Variants in LRRFIP1 observed in about 807,000 individuals in gnomAD.
LRRFIP1 encodes the protein LRR binding FLII interacting protein 1.
In LRRFIP1, 62 loss-of-function variants were observed where a neutral mutation model predicts 104.4. That is an observed-to-expected ratio of 0.59 (90% confidence interval 0.48 to 0.73). The LOEUF (loss-of-function observed/expected upper bound fraction) is 0.73. LRRFIP1 is among the 30% of genes least tolerant of loss of function. The pLI is 0.00. For synonymous variants in LRRFIP1, 300 were observed against 299.0 expected, an observed-to-expected ratio of 1.00 and a Z score of -0.03; for missense variants, 796 against 824.5, an observed-to-expected ratio of 0.97 and a Z score of 0.42.
At chr2:237,765,742 T>C (rs1211538522) in intron 19 of LRRFIP1, 7 of 950,024 alleles carry the variant, frequency 7.4e-6, no homozygotes, top group Non-Finnish European at 8.8e-6. Flanking sequence ...AATTGTAAAA[T>C]ATAAAATCAC....
intron 10 of LRRFIP1, among the ~76,000 whole-genome samples, chr2:237,738,885 G>C (rs992454474): frequency 1.3e-5 from 2 of 152,260 alleles, no homozygotes; most frequent in Non-Finnish European, 2.9e-5. Context: ...CCGGAAGGCA[G>C]CTTAAGTTCT....
At chr2:237,668,483 C>T (rs758825304) in intron 1 of LRRFIP1, among the ~76,000 whole-genome samples, 11 of 152,116 alleles carry the variant, frequency 7.2e-5, no homozygotes, top group Non-Finnish European at 1.3e-4. Context: ...CCATAGCTTC[C>T]GGGATACATT....
chr2:237,668,344 C>T (rs766480865), intron 1 of LRRFIP1, among the ~76,000 whole-genome samples: 6 of 152,148 alleles, frequency 3.9e-5, no homozygotes, highest in Non-Finnish European at 8.8e-5. Context: ...GACAAGGCCC[C>T]GTCACAGCTG....
intron 14 of LRRFIP1, 121 bp from the exon 15 acceptor site, chr2:237,753,188 A>G: frequency 1.5e-6 from 1 of 659,464 alleles, no homozygotes. Context: ...CTTCTGATCC[A>G]TTTGCTCTAA....
chr2:237,637,396 A>G (rs2083269568), intron 1 of LRRFIP1, among the ~76,000 whole-genome samples: 1 of 152,170 alleles, frequency 6.6e-6, no homozygotes, highest in African/African-American at 2.4e-5. Context: ...TGAACCCAGG[A>G]GGCAGAGGTT....
chr2:237,670,909 C>A (rs74768413), intron 1 of LRRFIP1, among the ~76,000 whole-genome samples: 3 of 152,202 alleles, frequency 2.0e-5, no homozygotes, highest in Non-Finnish European at 2.9e-5. Context: ...TCCTCCCTCT[C>A]CTCCTCCTCA....
chr2:237,746,645 C>T (rs570642605), intron 11 of LRRFIP1, among the ~76,000 whole-genome samples: 5 of 152,254 alleles, frequency 3.3e-5, no homozygotes, highest in East Asian at 3.9e-4. Context: ...ATGTGCATTT[C>T]GACACATCAG....
chr2:237,627,786 G>A lies in LRRFIP1; in HGVS notation c.96+46G>A, dbSNP rs2081768213. On this transcript the variant is annotated intron_variant, in intron 1 of 23. Transcript: ENST00000308482. ...GCCGGGGGGCGCCGGGCGGGCGCGG[G>A]GGCCGGACGGCTGTCAGGGTCTCTC... 3.5e-6 allele frequency: 4 copies of A among 1,128,972 alleles called. No individual in the cohort carries two copies. In the East Asian group the frequency reaches 1.5e-4, roughly 43 times the overall value. The allele number at this position is 1,128,972 out of a possible 1,614,324, so 69.9% of individuals were successfully genotyped here.
intron 2 of LRRFIP1, among the ~76,000 whole-genome samples, chr2:237,710,622 A>G (rs1469399045): frequency 2.0e-5 from 3 of 152,218 alleles, no homozygotes; most frequent in East Asian, 3.8e-4. Context: ...ACATATTGAT[A>G]TAAGATATAA....
intron 10 of LRRFIP1, among the ~76,000 whole-genome samples, chr2:237,738,632 C>A (rs998264814): frequency 5.9e-5 from 9 of 152,216 alleles, no homozygotes; most frequent in Non-Finnish European, 1.2e-4. Context: ...GCGTAGCTTC[C>A]AGATAATCGA....
Position 237,756,581 on chromosome 2 carries a change from T to C in LRRFIP1, c.1131+394T>C, listed in dbSNP as rs2059291561. Among the ~76,000 whole-genome samples the C allele has an allele frequency of 2.6e-5, 4 of 152,262 alleles. No homozygotes were observed. The South Asian group carries it at 8.3e-4, about 31-fold the overall frequency. The stretch of plus-strand genomic sequence containing the variant: ...CATTGGGCATTAGGGCTTCAACAGA[T>C]GAATTTAGAGGGACACAATTCATTC... On this transcript the variant is annotated intron_variant, in intron 16 of 23. Transcript: ENST00000308482.
chr2:237,739,383 C>CT, intron 11 of LRRFIP1, 74 bp downstream of exon 11: 2 of 1,282,488 alleles, frequency 1.6e-6, no homozygotes, highest in South Asian at 2.6e-5. Flanking sequence ...CCTCTTCCAA[C>CT]GTCTCCAAAT....
chr2:237,639,538 T>C (rs930963304), intron 1 of LRRFIP1, among the ~76,000 whole-genome samples: 6 of 152,126 alleles, frequency 3.9e-5, no homozygotes, highest in African/African-American at 1.4e-4. Flanking sequence ...TTGGTTGGCT[T>C]CCCAGAAATA....
At chr2:237,730,901 G>C (rs2094972077) in intron 8 of LRRFIP1, among the ~76,000 whole-genome samples, 1 of 151,146 alleles carries the variant, frequency 6.6e-6, no homozygotes, top group South Asian at 2.1e-4. Context: ...CTGGGCGACA[G>C]AGTGAGATTC....
chr2:237,671,310 G>A (rs538899567), intron 1 of LRRFIP1, among the ~76,000 whole-genome samples: 70 of 152,274 alleles, frequency 4.6e-4, no homozygotes, highest in Non-Finnish European at 7.6e-4. Context: ...ACCAGCTAAG[G>A]CTCTGAAACA....
intron 1 of LRRFIP1, among the ~76,000 whole-genome samples, chr2:237,696,128 G>A (rs948916730): frequency 4.6e-5 from 7 of 152,162 alleles, no homozygotes; most frequent in African/African-American, 1.7e-4. Context: ...TGAATCTAAA[G>A]TATAACTACT....
chr2:237,677,116 G>A (rs905079180), intron 1 of LRRFIP1, among the ~76,000 whole-genome samples: 1 of 152,128 alleles, frequency 6.6e-6, no homozygotes, highest in African/African-American at 2.4e-5. Context: ...ACCCTCTTGT[G>A]CAGCCAGCAC....
chr2:237,759,856 G>C (rs1251440212), intron 18 of LRRFIP1, among the ~76,000 whole-genome samples: 2 of 152,142 alleles, frequency 1.3e-5, no homozygotes, highest in Non-Finnish European at 2.9e-5. Flanking sequence ...GAACATCTGA[G>C]AAAGAAGTAG....
At chr2:237,742,299 G>C (rs1371781215) in intron 11 of LRRFIP1, among the ~76,000 whole-genome samples, 2 of 152,202 alleles carry the variant, frequency 1.3e-5, no homozygotes, top group African/African-American at 4.8e-5. Flanking sequence ...AAGGTCAGTT[G>C]ATTGCGGGCT....
Sources: gnomAD v4.1 joint callset for allele counts (sites outside exome capture counted in the v4.1 genomes callset) on GRCh38, gnomAD v4.1.1 for gene constraint, MANE v1.5 for transcripts, NCBI Gene and HGNC (gene_info 2026-07-23, HGNC 2026-07-21) for gene names.